TTC29: variants seen among roughly 807,000 people sequenced by gnomAD.
TTC29 encodes the protein tetratricopeptide repeat domain 29.
In TTC29, 49 loss-of-function variants were observed where a neutral mutation model predicts 58.1. The observed-to-expected ratio is 0.84, with a 90% CI of 0.67 to 1.07. The LOEUF (loss-of-function observed/expected upper bound fraction) is 1.07, where lower values mean the gene tolerates loss of function less well. Among genes scored for constraint, TTC29 ranks in the 50% least tolerant of loss-of-function variants. The probability of loss-of-function intolerance (pLI) is 0.00; values close to 1 mark genes in which losing one functional copy is unlikely to be tolerated. For synonymous variants in TTC29, 209 were observed against 196.8 expected (o/e 1.06, Z -0.52); for missense variants, 582 against 555.6 (o/e 1.05, Z -0.48).
chr4:146,939,014 G>T (rs1374878448), intron 3 of TTC29, among the ~76,000 whole-genome samples: 3 of 152,098 alleles, frequency 2.0e-5, no homozygotes, highest in Non-Finnish European at 4.4e-5. Flanking sequence ...AGCCATTCAT[G>T]GGCAGCAGCA....
intron 11 of TTC29, among the ~76,000 whole-genome samples, chr4:146,740,722 TA>T (rs1317840561): frequency 6.6e-6 from 1 of 152,124 alleles, no homozygotes; most frequent in Non-Finnish European, 1.5e-5. Flanking sequence ...ATAATTTTTT[TA>T]AAATTTTTTA....
At chr4:146,848,677 A>C (rs1288911694) in intron 8 of TTC29, among the ~76,000 whole-genome samples, 2 of 152,190 alleles carry the variant, frequency 1.3e-5, no homozygotes, top group African/African-American at 2.4e-5. Flanking sequence ...ATTACTTATC[A>C]ATACTTAGAC....
At chr4:146,878,997 C>T (rs1731449312) in intron 6 of TTC29, among the ~76,000 whole-genome samples, 1 of 152,090 alleles carries the variant, frequency 6.6e-6, no homozygotes, top group South Asian at 2.1e-4. Flanking sequence ...CAGATGAGGT[C>T]AGTGGGGTCC....
At chr4:146,799,585 C>T (rs1039885992) in intron 11 of TTC29, among the ~76,000 whole-genome samples, 2 of 152,118 alleles carry the variant, frequency 1.3e-5, no homozygotes, top group African/African-American at 4.8e-5. Context: ...GTCAAGGAAA[C>T]CTTTACATGC....
chr4:146,774,543 T>C (rs1192980213), intron 11 of TTC29, among the ~76,000 whole-genome samples: 2 of 152,126 alleles, frequency 1.3e-5, no homozygotes, highest in African/African-American at 2.4e-5. Flanking sequence ...CAATTTTCTT[T>C]GTATTGATTT....
At chr4:146,785,021 T>C (rs920862196) in intron 11 of TTC29, among the ~76,000 whole-genome samples, 3 of 152,224 alleles carry the variant, frequency 2.0e-5, no homozygotes, top group Non-Finnish European at 4.4e-5. Context: ...AAGATCCTTT[T>C]GTTCCTACGC....
chr4:146,878,270 A>C (rs1011346297), intron 6 of TTC29, among the ~76,000 whole-genome samples: 3 of 152,022 alleles, frequency 2.0e-5, no homozygotes, highest in Non-Finnish European at 2.9e-5. Context: ...GTTCATGGTT[A>C]TTGGCCAAAG....
At chr4:146,727,592 A>T (rs1301356181) in intron 11 of TTC29, among the ~76,000 whole-genome samples, 1 of 152,166 alleles carries the variant, frequency 6.6e-6, no homozygotes, top group Non-Finnish European at 1.5e-5. Flanking sequence ...AAATCATATA[A>T]TATGTAGCCT....
intron 6 of TTC29, among the ~76,000 whole-genome samples, chr4:146,896,169 C>CT (rs1421488380): frequency 6.6e-6 from 1 of 152,058 alleles, no homozygotes; most frequent in East Asian, 1.9e-4. Flanking sequence ...TTTGACTTAT[C>CT]TTTTGTTGGG....
chr4:146,915,161 T>C (rs559294059), intron 4 of TTC29, among the ~76,000 whole-genome samples: 135 of 152,270 alleles, frequency 8.9e-4, no homozygotes, highest in African/African-American at 3.2e-3. Flanking sequence ...AATGGCAGAG[T>C]TGGAATTCAC....
intron 8 of TTC29, among the ~76,000 whole-genome samples, chr4:146,836,736 A>G (rs974109911): frequency 9.9e-5 from 15 of 152,162 alleles, no homozygotes; most frequent in African/African-American, 3.4e-4. Context: ...CAACATGCAT[A>G]TGGAAAAAAG....
intron 11 of TTC29, among the ~76,000 whole-genome samples, chr4:146,742,645 T>TCCC (rs1745248297): frequency 8.6e-6 from 1 of 116,790 alleles, no homozygotes; most frequent in Non-Finnish European, 1.8e-5. Context: ...TCCTTCCTTC[T>TCCC]TTCCTTCCTT....
intron 11 of TTC29, among the ~76,000 whole-genome samples, chr4:146,730,733 G>C (rs547448428): frequency 8.5e-5 from 13 of 152,278 alleles, no homozygotes; most frequent in African/African-American, 3.1e-4. Flanking sequence ...AGAGGACTGA[G>C]AAATGACTAT....
intron 3 of TTC29, among the ~76,000 whole-genome samples, chr4:146,938,237 C>T (rs1191239832): frequency 6.6e-6 from 1 of 152,054 alleles, no homozygotes; most frequent in Non-Finnish European, 1.5e-5. Context: ...ATTCTTCACA[C>T]CCTTTTGCAC....
At chr4:146,880,082 C>T (rs1431896311) in intron 6 of TTC29, among the ~76,000 whole-genome samples, 1 of 152,104 alleles carries the variant, frequency 6.6e-6, no homozygotes, top group African/African-American at 2.4e-5. Flanking sequence ...TCATGTGAAC[C>T]AGGGAAGAAA....
At chr4:146,838,843 T>G (rs1490489692) in intron 8 of TTC29, among the ~76,000 whole-genome samples, 1 of 152,018 alleles carries the variant, frequency 6.6e-6, no homozygotes, top group Non-Finnish European at 1.5e-5. Context: ...CTTATATACC[T>G]TTATTTTAGA....
At chr4:146,742,307 C>A (rs1283497158) in intron 11 of TTC29, among the ~76,000 whole-genome samples, 1 of 152,116 alleles carries the variant, frequency 6.6e-6, no homozygotes, top group Non-Finnish European at 1.5e-5. Flanking sequence ...GCAAGCCAAC[C>A]ACAAGCATTT....
chr4:146,735,405 G>A (rs1233411693), intron 11 of TTC29, among the ~76,000 whole-genome samples: 1 of 152,144 alleles, frequency 6.6e-6, no homozygotes, highest in African/African-American at 2.4e-5. Flanking sequence ...CAGTATCTTT[G>A]GTTTTAAATA....
intron 7 of TTC29, 139 bp downstream of exon 7, chr4:146,874,577 G>C (rs1205532114): frequency 3.2e-5 from 23 of 716,240 alleles, no homozygotes; most frequent in Non-Finnish European, 5.3e-5. Context: ...AGTGAAATTT[G>C]AAAGTAAATT....
Sources: allele counts gnomAD v4.1 joint callset (sites outside exome capture counted in the v4.1 genomes callset), GRCh38; gene constraint gnomAD v4.1.1; transcripts MANE v1.5; gene names NCBI Gene and HGNC (gene_info 2026-07-23, HGNC 2026-07-21).